The following RNF24 variants were observed in gnomAD, a reference collection of about 807,000 sequenced individuals.
RNF24 encodes ring finger protein 24.
In RNF24, 14 loss-of-function variants were observed where a neutral mutation model predicts 20.0. The ratio of observed to expected loss-of-function variants is 0.70; its 90% confidence interval spans 0.46 to 1.10. RNF24 has a LOEUF of 1.10. Ranked by LOEUF, RNF24 falls within the 50% of genes least tolerant of loss-of-function variation. RNF24 has a pLI of 0.00. For synonymous variants in RNF24, 45 were observed against 61.1 expected, an observed-to-expected ratio of 0.74 and a Z score of 1.23; for missense variants, 124 against 177.6, an observed-to-expected ratio of 0.70 and a Z score of 1.71.
At chr20:3,967,218 A>T (rs2091267598) in intron 1 of RNF24, among the ~76,000 whole-genome samples, 1 of 152,222 alleles carries the variant, frequency 6.6e-6, no homozygotes. Flanking sequence ...TCTTAGTAAT[A>T]TGCATTCTTT....
chr20:3,949,096 G>A (rs572466924), intron 2 of RNF24, among the ~76,000 whole-genome samples: 7 of 152,268 alleles, frequency 4.6e-5, no homozygotes, highest in African/African-American at 1.4e-4. Context: ...TACTCACACC[G>A]AGGCTGGGCA....
At chr20:3,957,291 G>C (rs917154125) in intron 2 of RNF24, among the ~76,000 whole-genome samples, 2 of 151,208 alleles carry the variant, frequency 1.3e-5, no homozygotes, top group African/African-American at 4.9e-5. Context: ...GAGCAAGACT[G>C]TCTCAAAAAA....
chr20:3,966,469 A>AGAGTGTGTGTGTGTGTGT (rs1555797802), intron 1 of RNF24, among the ~76,000 whole-genome samples: 1 of 129,232 alleles, frequency 7.7e-6, no homozygotes, highest in Non-Finnish European at 1.7e-5. Context: ...TTAAGGCTTT[A>AGAGTGTGTGTGTGTGTGT]GTGTGTGTGT....
rs2090739386 is a variant in RNF24 at position 3,927,438 on chromosome 20, A to G, written c.*6625T>C. 1 of 152,224 alleles carries G rather than the reference A, an allele frequency of 6.6e-6. No homozygotes were observed. Among genetic ancestry groups the G allele is most frequent in the African/African-American group, 2.4e-5 (1 of 41,466 alleles). 9.4% of individuals were successfully genotyped at this position (152,224 alleles called of 1,614,324 possible). A position where few individuals can be genotyped will look rare whatever the true frequency, so the allele number is the denominator to read the frequency against. On this transcript the variant is annotated 3_prime_UTR_variant, in exon 6 of 6. Coordinates refer to ENST00000358395, the MANE Select transcript of RNF24 (RefSeq NM_001134337.3). ...TAAATATACAAAAATATAGCTTACA[A>G]AAAACTGCGAATGTTTAAAAATATT... is the stretch of plus-strand genomic sequence containing the variant.
chr20:4,007,247 A>G lies in RNF24; in HGVS notation c.-8+8190T>C, dbSNP rs111960060. ...GACAAGTAATAAGAGAATAAGCTAA[A>G]ACAGACTATTTAACATGCAGAAAAG... is the stretch of plus-strand genomic sequence containing the variant. On this transcript the variant is annotated intron_variant, in intron 1 of 5. Transcript: ENST00000358395. Among the ~76,000 whole-genome samples the G allele has an allele frequency of 3.9e-3, 598 of 152,344 alleles. 6 individuals carry two copies. Among genetic ancestry groups the G allele is most frequent in the African/African-American group, 0.014 (572 of 41,584 alleles).
At chr20:3,963,788 C>T in intron 2 of RNF24, 87 bp downstream of exon 2, 1 of 1,199,690 alleles carries the variant, frequency 8.3e-7, no homozygotes, top group Non-Finnish European at 1.2e-6. Context: ...AATTATCATA[C>T]TTCATTTTAA....
intron 1 of RNF24, among the ~76,000 whole-genome samples, chr20:4,005,193 T>A (rs999986987): frequency 6.6e-6 from 1 of 152,216 alleles, no homozygotes; most frequent in African/African-American, 2.4e-5. Context: ...TTGTCATCCA[T>A]AAACAACTCT....
intron 1 of RNF24, among the ~76,000 whole-genome samples, chr20:4,008,355 T>G (rs1982063174): frequency 6.9e-5 from 2 of 29,064 alleles, no homozygotes; most frequent in South Asian, 8.4e-4. Context: ...ACATGTAATA[T>G]GTATAATATA....
chr20:3,974,922 G>A (rs1978730981), intron 1 of RNF24, among the ~76,000 whole-genome samples: 1 of 151,370 alleles, frequency 6.6e-6, no homozygotes, highest in African/African-American at 2.4e-5. Context: ...AATGTAGACA[G>A]AAAGAAAGAC....
At chr20:3,986,292 G>A (rs959077563) in intron 1 of RNF24, among the ~76,000 whole-genome samples, 1 of 150,806 alleles carries the variant, frequency 6.6e-6, no homozygotes, top group Non-Finnish European at 1.5e-5. Context: ...TCACTCTGTC[G>A]CTTGGATTGG....
At chr20:3,970,172 C>T (rs1202804366) in intron 1 of RNF24, among the ~76,000 whole-genome samples, 1 of 152,124 alleles carries the variant, frequency 6.6e-6, no homozygotes. Flanking sequence ...GCAACAAGCA[C>T]TCCTACCTTT....
intron 4 of RNF24, among the ~76,000 whole-genome samples, chr20:3,937,739 T>G (rs2090908266): frequency 6.6e-6 from 1 of 152,220 alleles, no homozygotes; most frequent in African/African-American, 2.4e-5. Flanking sequence ...CTTCTTTCCC[T>G]TAGCATAATG....
Position 3,934,038 on chromosome 20 carries a change from G to C in RNF24, c.*25C>G, listed in dbSNP as rs972204622. 7.0e-7 allele frequency: 1 copy of C among 1,432,864 alleles called. No homozygotes were observed. The highest frequency in any genetic ancestry group is 9.2e-7 in the Non-Finnish European group (1 of 1,088,926). 88.8% of individuals were successfully genotyped at this position (1,432,864 alleles called of 1,614,324 possible). Reference sequence around the variant, plus strand: ...TGGCTCCACACAGACGTCGTGTCCAGCAACAGTCTGATCCTTGCGGTAAGC... The same window carrying C: ...TGGCTCCACACAGACGTCGTGTCCACCAACAGTCTGATCCTTGCGGTAAGC... On this transcript the variant is annotated 3_prime_UTR_variant, in exon 6 of 6. Transcript: ENST00000358395. This position sits in a 1 kb window ranked among gnomAD's most constrained non-coding sequence, Gnocchi z 4.0.
chr20:3,927,676 A>G lies in RNF24; in HGVS notation c.*6387T>C, dbSNP rs902106492. Reference sequence around the variant, plus strand: ...TCTAGGAAGACCAGCTGTCACCAGAAGGGAGTTCCTAACACTTGCCACACC... The same window carrying G: ...TCTAGGAAGACCAGCTGTCACCAGAGGGGAGTTCCTAACACTTGCCACACC... On this transcript the variant is annotated 3_prime_UTR_variant, in exon 6 of 6. Transcript: ENST00000358395. 1 of 152,244 alleles carries G rather than the reference A, an allele frequency of 6.6e-6. No individual in the cohort carries two copies. The highest frequency in any genetic ancestry group is 2.4e-5 in the African/African-American group (1 of 41,462). 9.4% of individuals were successfully genotyped at this position (152,244 alleles called of 1,614,324 possible). A position where few individuals can be genotyped will look rare whatever the true frequency, so the allele number is the denominator to read the frequency against.
Position 3,928,183 on chromosome 20 carries a change from GAA to G in RNF24, c.*5878_*5879del, listed in dbSNP as rs2090754940. The G allele has an allele frequency of 6.6e-6, 1 of 152,190 alleles. No individual in the cohort carries two copies. The highest frequency in any genetic ancestry group is 1.5e-5 in the Non-Finnish European group (1 of 68,054). 9.4% of individuals were successfully genotyped at this position (152,190 alleles called of 1,614,324 possible). A position where few individuals can be genotyped will look rare whatever the true frequency, so the allele number is the denominator to read the frequency against. On this transcript the variant is annotated 3_prime_UTR_variant, in exon 6 of 6. Transcript: ENST00000358395. Reference sequence around the variant, plus strand: ...CTTAAGAAATCTGTAACAGCTACAGGAAAAGACACACCCAGGGCCAGAGATTC... The same window carrying G: ...CTTAAGAAATCTGTAACAGCTACAGGAAGACACACCCAGGGCCAGAGATTC...
At chr20:3,958,474 T>C (rs1160109654) in intron 2 of RNF24, among the ~76,000 whole-genome samples, 1 of 152,236 alleles carries the variant, frequency 6.6e-6, no homozygotes, top group Non-Finnish European at 1.5e-5. Context: ...CTACCATCCC[T>C]TTCCCTATGC....
intron 1 of RNF24, among the ~76,000 whole-genome samples, chr20:4,010,691 T>C (rs1163453910): frequency 1.3e-5 from 2 of 152,200 alleles, no homozygotes; most frequent in Non-Finnish European, 2.9e-5. Context: ...TGATTTCATT[T>C]AAAAGTAAAA....
At chr20:4,006,942 T>C (rs528725295) in intron 1 of RNF24, among the ~76,000 whole-genome samples, 25 of 152,364 alleles carry the variant, frequency 1.6e-4, no homozygotes, top group African/African-American at 5.3e-4. Flanking sequence ...ACTGCACTAG[T>C]TGGAATGCTC....
At chr20:3,949,948 T>A (rs982118072) in intron 2 of RNF24, among the ~76,000 whole-genome samples, 1 of 152,236 alleles carries the variant, frequency 6.6e-6, no homozygotes, top group African/African-American at 2.4e-5. Flanking sequence ...ATGATCCATC[T>A]GAAATTGGTC....
Sources: allele counts gnomAD v4.1 joint callset (sites outside exome capture counted in the v4.1 genomes callset), GRCh38; gene constraint gnomAD v4.1.1; non-coding constraint Gnocchi (gnomAD v3.1); transcripts MANE v1.5; gene names NCBI Gene and HGNC (gene_info 2026-07-23, HGNC 2026-07-21).